Variants in CERS6 observed in about 807,000 individuals in gnomAD.
CERS6 encodes ceramide synthase 6.
Under a neutral mutation model 56.8 loss-of-function variants are expected in CERS6, and 26 were observed. That is an observed-to-expected ratio of 0.46 (90% CI 0.34 to 0.63). CERS6 has a LOEUF of 0.63. Ranked by LOEUF, CERS6 falls within the 30% of genes least tolerant of loss-of-function variation. The pLI is 0.01. For missense variants in CERS6, 415 were observed against 467.5 expected, an observed-to-expected ratio of 0.89 and a Z score of 1.04; for synonymous variants, 164 against 173.3, an observed-to-expected ratio of 0.95 and a Z score of 0.42.
chr2:168,767,923 C>T (rs529935632), intron 9 of CERS6, among the ~76,000 whole-genome samples: 2 of 152,290 alleles, frequency 1.3e-5, no homozygotes, highest in South Asian at 4.1e-4. Flanking sequence ...TCTTTTGTCA[C>T]ACCACTGAAA....
chr2:168,633,162 C>CTTTTT lies in CERS6; in HGVS notation c.465+2127_465+2131dup, dbSNP rs569052274. Among the ~76,000 whole-genome samples the CTTTTT allele has an allele frequency of 1.7e-3, 242 of 139,054 alleles. 1 individual carries two copies. Among genetic ancestry groups the CTTTTT allele is most frequent in the Middle Eastern group, 7.5e-3 (2 of 268 alleles). 91.2% of individuals were successfully genotyped at this position (139,054 alleles called of 152,430 possible). A position where few individuals can be genotyped will look rare whatever the true frequency, so the allele number is the denominator to read the frequency against. On this transcript the variant is annotated intron_variant, in intron 4 of 9. Coordinates refer to ENST00000305747, the MANE Select transcript of CERS6 (RefSeq NM_203463.3). The stretch of plus-strand genomic sequence containing the variant: ...CAACTGCCTCTGGTTATAACAAATG[C>CTTTTT]TTTTTTTTTTTAATAAAAAAAAAAA...
At chr2:168,639,969 A>T (rs1684949556) in intron 4 of CERS6, among the ~76,000 whole-genome samples, 1 of 152,180 alleles carries the variant, frequency 6.6e-6, no homozygotes, top group South Asian at 2.1e-4. Context: ...ATCTGGTGAT[A>T]CTAGTTATCT....
chr2:168,742,840 A>G (rs954158634), intron 8 of CERS6, among the ~76,000 whole-genome samples: 2 of 152,076 alleles, frequency 1.3e-5, no homozygotes, highest in African/African-American at 4.8e-5. Context: ...TTTTTATTCT[A>G]ATTGCAGTGG....
At chr2:168,649,830 G>A (rs185040849) in intron 4 of CERS6, among the ~76,000 whole-genome samples, 134 of 151,910 alleles carry the variant, frequency 8.8e-4, no homozygotes, top group African/African-American at 2.8e-3. Context: ...CCCTCGTAGA[G>A]GACTCTGAAG....
intron 8 of CERS6, among the ~76,000 whole-genome samples, chr2:168,727,911 T>C (rs955495524): frequency 3.3e-5 from 5 of 152,250 alleles, no homozygotes; most frequent in African/African-American, 1.2e-4. Context: ...GTCTTACATC[T>C]ATCAGCATTG....
At chr2:168,680,511 C>T (rs1161794485) in intron 4 of CERS6, among the ~76,000 whole-genome samples, 1 of 152,166 alleles carries the variant, frequency 6.6e-6, no homozygotes, top group Admixed American at 6.5e-5. Context: ...TCTGTTTGTC[C>T]TCTGTCTATA....
intron 5 of CERS6, among the ~76,000 whole-genome samples, chr2:168,694,081 G>T (rs1304207043): frequency 6.6e-6 from 1 of 152,098 alleles, no homozygotes; most frequent in Non-Finnish European, 1.5e-5. Flanking sequence ...ACTTGTTTGT[G>T]TGATGAGTTT....
intron 6 of CERS6, among the ~76,000 whole-genome samples, chr2:168,714,074 CCCATTT>C (rs1214592355): frequency 6.6e-6 from 1 of 152,136 alleles, no homozygotes; most frequent in Admixed American, 6.5e-5. Context: ...CTGATGAGGG[CCCATTT>C]CCTGATTCAT....
At chr2:168,681,369 A>T (rs928212852) in intron 4 of CERS6, among the ~76,000 whole-genome samples, 1 of 152,212 alleles carries the variant, frequency 6.6e-6, no homozygotes, top group African/African-American at 2.4e-5. Context: ...AGGCAGCTAT[A>T]TCCTGTGCTA....
intron 1 of CERS6, among the ~76,000 whole-genome samples, chr2:168,501,524 C>T (rs767271272): frequency 1.3e-5 from 2 of 152,040 alleles, no homozygotes; most frequent in Admixed American, 1.3e-4. Context: ...ATAATGAGGT[C>T]GAAGAAATAT....
At chr2:168,700,489 G>A (rs1574171979) in intron 6 of CERS6, among the ~76,000 whole-genome samples, 1 of 152,136 alleles carries the variant, frequency 6.6e-6, no homozygotes, top group African/African-American at 2.4e-5. Context: ...ATTCATAAAG[G>A]AAAGGGCATT....
rs1232070576 is a variant in CERS6 at position 168,456,646 on chromosome 2, C to T, written c.170+28C>T. On this transcript the variant is annotated intron_variant, in intron 1 of 9. Coordinates refer to ENST00000305747, the MANE Select transcript of CERS6 (RefSeq NM_203463.3). The surrounding 1 kb of genome is among the most constrained non-coding windows in gnomAD (Gnocchi z 4.1). ...AAGAAGGGCTGAAGCCCCTCCTCCC[C>T]TCCCCCTGCGCACACACACGCGCGC... 1 of 1,605,562 alleles carries T rather than the reference C, an allele frequency of 6.2e-7. No individual in the cohort carries two copies. The highest frequency in any genetic ancestry group is 8.5e-7 in the Non-Finnish European group (1 of 1,174,966).
intron 8 of CERS6, among the ~76,000 whole-genome samples, chr2:168,739,976 C>T (rs184697133): frequency 2.1e-3 from 318 of 152,276 alleles, no homozygotes; most frequent in Non-Finnish European, 3.2e-3. Context: ...TTCCAAATTA[C>T]AGGCATGAGT....
At chr2:168,687,883 T>C (rs1686396174) in intron 4 of CERS6, among the ~76,000 whole-genome samples, 1 of 152,108 alleles carries the variant, frequency 6.6e-6, no homozygotes, top group Non-Finnish European at 1.5e-5. Context: ...TTCATATTAT[T>C]TGTAGAGATG....
At chr2:168,655,577 G>A (rs1162801294) in intron 4 of CERS6, among the ~76,000 whole-genome samples, 8 of 152,242 alleles carry the variant, frequency 5.3e-5, no homozygotes, top group African/African-American at 1.9e-4. Context: ...CACAGCGCCA[G>A]TGGACCTGGA....
intron 8 of CERS6, among the ~76,000 whole-genome samples, chr2:168,720,337 C>A (rs1687330653): frequency 6.6e-6 from 1 of 152,062 alleles, no homozygotes; most frequent in African/African-American, 2.4e-5. Flanking sequence ...TTTCACATTA[C>A]CACACATCTA....
chr2:168,702,691 C>T (rs1457064410), intron 6 of CERS6, among the ~76,000 whole-genome samples: 1 of 152,028 alleles, frequency 6.6e-6, no homozygotes, highest in African/African-American at 2.4e-5. Context: ...ATTCACAGAC[C>T]AATGGATTTT....
In CERS6 at chr2:168,769,646, G is replaced by A. The variant is rs866198654; in HGVS notation, c.1139G>A (p.Cys380Tyr). The change falls in exon 10 of 10, where the codon TGC (cysteine) becomes TAC (tyrosine). Residue 380 changes from cysteine (C) to tyrosine (Y), a missense_variant. Physicochemically the swap from Cys to Tyr is radical, Grantham distance 194 (BLOSUM62 -2). Transcript: ENST00000305747. The part of the protein sequence containing the change: ...GTNGYLLTGS[C>Y]SMDD Reference sequence around the variant, plus strand: ...AACGGGTATCTCCTGACTGGCTCCTGCTCCATGGATGATTAATTACTCAAA... The same window carrying A: ...AACGGGTATCTCCTGACTGGCTCCTACTCCATGGATGATTAATTACTCAAA... The A allele has an allele frequency of 3.1e-6, 5 of 1,610,264 alleles. No homozygotes were observed. In the African/African-American group the frequency reaches 5.3e-5, roughly 17 times the overall value.
At position 168,695,165 on chromosome 2, in the gene CERS6, A is replaced by G. The variant is rs1034738057; in HGVS notation, c.609+114A>G. On this transcript the variant is annotated intron_variant, in intron 6 of 9. Coordinates refer to ENST00000305747, the MANE Select transcript of CERS6 (RefSeq NM_203463.3). ...CCTGTTCTCCTGGCAGCCCTAGGTT[A>G]GTACGACTTGCTGCGTTATTACAGA... The G allele has an allele frequency of 5.5e-6, 4 of 731,520 alleles. No homozygotes were observed. The African/African-American group carries it at 7.2e-5, about 13-fold the overall frequency. 45.3% of individuals were successfully genotyped at this position (731,520 alleles called of 1,614,324 possible). A position where few individuals can be genotyped will look rare whatever the true frequency, so the allele number is the denominator to read the frequency against.
Sources: gnomAD v4.1 joint callset for allele counts (sites outside exome capture counted in the v4.1 genomes callset) on GRCh38, gnomAD v4.1.1 for gene constraint, Gnocchi (gnomAD v3.1) non-coding constraint, MANE v1.5 for transcripts, NCBI Gene and HGNC (gene_info 2026-07-23, HGNC 2026-07-21) for gene names.